Variants in KLF8 observed in about 807,000 individuals in gnomAD.
The protein encoded by KLF8 is KLF transcription factor 8, also known as Krueppel-like factor 8.
In KLF8, 10 loss-of-function variants were observed where a neutral mutation model predicts 18.2. That is an observed-to-expected ratio of 0.55 (90% CI 0.34 to 0.93). The LOEUF (loss-of-function observed/expected upper bound fraction) is 0.93. KLF8 is among the 40% of genes least tolerant of loss of function. The pLI is 0.02. For synonymous variants in KLF8, 109 were observed against 97.3 expected (o/e 1.12, Z -0.71); for missense variants, 264 against 277.9 (o/e 0.95, Z 0.36).
At chrX:56,193,248 T>C in the KLF8 span, among the ~76,000 whole-genome samples, 1 of 112,212 alleles carries the variant, frequency 8.9e-6, no homozygotes. Context: ...ATCAGAGAAA[T>C]ACAAATCAAA....
At chrX:56,061,218 G>T in the KLF8 span, among the ~76,000 whole-genome samples, 3 of 111,295 alleles carry the variant, frequency 2.7e-5, no homozygotes, top group Admixed American at 9.5e-5. Flanking sequence ...TTTTGGATTT[G>T]TTTGCTCTTG....
At chrX:56,183,210 G>A in the KLF8 span, among the ~76,000 whole-genome samples, 4 of 111,848 alleles carry the variant, frequency 3.6e-5, no homozygotes, top group Non-Finnish European at 7.5e-5. Context: ...CTTGCAGTTC[G>A]ATCTTGGACT....
the KLF8 span, among the ~76,000 whole-genome samples, chrX:56,043,803 T>A: frequency 3.6e-5 from 4 of 112,640 alleles, no homozygotes; most frequent in East Asian, 1.1e-3. Context: ...CCTACTTCTG[T>A]CAATTTAGCC....
At chrX:56,250,344 A>C (rs754599409) in intron 2 of KLF8, 40 bp downstream of exon 2, 3 of 885,365 alleles carry the variant, frequency 3.4e-6, no homozygotes, top group Non-Finnish European at 5.0e-6. Context: ...ATTGGGCCAT[A>C]ATAGTATTGA....
chrX:56,233,018 G>T lies in KLF8; in HGVS notation c.-317G>T. 9.1e-6 allele frequency: 3 copies of T among 331,214 alleles called. No individual in the cohort carries two copies. Among genetic ancestry groups the T allele is most frequent in the East Asian group, 4.7e-5 (1 of 21,478 alleles). 27.3% of individuals were successfully genotyped at this position (331,214 alleles called of 1,213,427 possible). A position where few individuals can be genotyped will look rare whatever the true frequency, so the allele number is the denominator to read the frequency against. ...TCCAAGGAAAAGCTGCAGGGGGGAG[G>T]ATTCTTTTTAGGAAGTCTACTCTGC... On this transcript the variant is annotated 5_prime_UTR_variant, in exon 1 of 6. Transcript: ENST00000468660.
the KLF8 span, among the ~76,000 whole-genome samples, chrX:55,935,626 A>G: frequency 2.7e-5 from 3 of 112,488 alleles, no homozygotes; most frequent in African/African-American, 9.7e-5. Flanking sequence ...TGCTAAATAA[A>G]TGAACTAGAG....
chrX:56,206,966 C>T, the KLF8 span, among the ~76,000 whole-genome samples: 3 of 112,795 alleles, frequency 2.7e-5, no homozygotes, highest in South Asian at 7.3e-4. Flanking sequence ...TGTGCACCCA[C>T]CGGCCCAAAA....
At chrX:55,911,363 T>C in the KLF8 span, among the ~76,000 whole-genome samples, 2 of 111,704 alleles carry the variant, frequency 1.8e-5, no homozygotes, top group Admixed American at 1.9e-4. Flanking sequence ...ATACAAAAAG[T>C]CTCTTCAATG....
the KLF8 span, among the ~76,000 whole-genome samples, chrX:55,910,556 A>T: frequency 4.5e-5 from 5 of 111,954 alleles, no homozygotes; most frequent in Non-Finnish European, 7.5e-5. Context: ...GGTCAGTATC[A>T]CTGGAGTGGA....
the KLF8 span, among the ~76,000 whole-genome samples, chrX:56,178,569 C>A: frequency 8.9e-6 from 1 of 112,170 alleles, no homozygotes; most frequent in African/African-American, 3.2e-5. Flanking sequence ...ATGCCTATGC[C>A]CTGAATGGAA....
the KLF8 span, among the ~76,000 whole-genome samples, chrX:56,075,962 C>T: frequency 3.9e-5 from 4 of 103,157 alleles, no homozygotes; most frequent in East Asian, 6.4e-4. Flanking sequence ...ATTATACTCC[C>T]CCCACACCAG....
chrX:56,174,837 G>A, the KLF8 span, among the ~76,000 whole-genome samples: 11 of 111,792 alleles, frequency 9.8e-5, no homozygotes, highest in Non-Finnish European at 1.9e-5. Context: ...TGGTGTATGT[G>A]TCCAGGAATT....
At chrX:56,177,543 G>A in the KLF8 span, among the ~76,000 whole-genome samples, 1 of 111,243 alleles carries the variant, frequency 9.0e-6, no homozygotes, top group Non-Finnish European at 1.9e-5. Flanking sequence ...AGGCTACTCG[G>A]GGGTCAGGGA....
At chrX:56,185,940 T>C in the KLF8 span, among the ~76,000 whole-genome samples, 1 of 111,935 alleles carries the variant, frequency 8.9e-6, no homozygotes, top group East Asian at 2.8e-4. Flanking sequence ...GTAAAGACCA[T>C]TGAGGCTAGG....
At chrX:55,908,345 TG>T in the KLF8 span, 2 of 284,936 alleles carry the variant, frequency 7.0e-6, no homozygotes, top group African/African-American at 5.5e-5. Context: ...CCAGCCTAAG[TG>T]GGACGAACAA....
chrX:56,132,288 C>T, the KLF8 span, among the ~76,000 whole-genome samples: 2 of 111,376 alleles, frequency 1.8e-5, no homozygotes, highest in Admixed American at 9.6e-5. Flanking sequence ...ATCAAGTACT[C>T]TCTTAGACCA....
At chrX:56,005,828 A>T in the KLF8 span, among the ~76,000 whole-genome samples, 1 of 111,564 alleles carries the variant, frequency 9.0e-6, no homozygotes, top group African/African-American at 3.3e-5. Context: ...GAGAGGATGC[A>T]GGTAGGCTGG....
the KLF8 span, among the ~76,000 whole-genome samples, chrX:56,097,013 C>T: frequency 9.0e-6 from 1 of 110,808 alleles, no homozygotes; most frequent in African/African-American, 3.3e-5. Flanking sequence ...AAAAAAGATA[C>T]AAATAAATAT....
chrX:55,981,062 G>A, the KLF8 span, among the ~76,000 whole-genome samples: 520 of 111,639 alleles, frequency 4.7e-3, 1 homozygote, highest in African/African-American at 0.016. Context: ...GCTTGGTGGC[G>A]TGTGCCTATA....
Sources: gnomAD v4.1 joint callset for allele counts (sites outside exome capture counted in the v4.1 genomes callset) on GRCh38, gnomAD v4.1.1 for gene constraint, MANE v1.5 for transcripts, NCBI Gene and HGNC (gene_info 2026-07-23, HGNC 2026-07-21) for gene names.